NRXN3: variants seen among roughly 807,000 people sequenced by gnomAD.
The protein encoded by NRXN3 is neurexin 3, also known as neurexin III.
NRXN3 carries 32 observed loss-of-function variants against 137.6 expected under a neutral mutation model. That is an observed-to-expected ratio of 0.23 (90% CI 0.18 to 0.31). The LOEUF is 0.31. Ranked by LOEUF, NRXN3 falls within the 10% of genes least tolerant of loss-of-function variation. NRXN3 has a pLI of 1.00. For missense variants in NRXN3, 1,574 were observed against 2,062.5 expected, an observed-to-expected ratio of 0.76 and a Z score of 4.59; for synonymous variants, 798 against 784.5, an observed-to-expected ratio of 1.02 and a Z score of -0.29.
At chr14:79,850,422 G>A (rs935502049) in intron 20 of NRXN3, among the ~76,000 whole-genome samples, 8 of 152,174 alleles carry the variant, frequency 5.3e-5, no homozygotes, top group Non-Finnish European at 1.2e-4. Flanking sequence ...GTTTGCAACT[G>A]GAGTAACTTG....
At chr14:78,568,832 G>A (rs1383812409) in intron 4 of NRXN3, among the ~76,000 whole-genome samples, 1 of 152,164 alleles carries the variant, frequency 6.6e-6, no homozygotes, top group Non-Finnish European at 1.5e-5. Context: ...CTATAGGGTA[G>A]TGGTTCTTAA....
intron 1 of NRXN3, among the ~76,000 whole-genome samples, chr14:78,207,563 A>G (rs2062328568): frequency 6.6e-6 from 1 of 152,178 alleles, no homozygotes; most frequent in South Asian, 2.1e-4. Flanking sequence ...TATTGAATCC[A>G]TAGTAAGTTG....
chr14:78,260,162 GC>G (rs2070450248), intron 2 of NRXN3, among the ~76,000 whole-genome samples: 1 of 152,216 alleles, frequency 6.6e-6, no homozygotes, highest in Non-Finnish European at 1.5e-5. Flanking sequence ...ACATCCTGCA[GC>G]TTAATTAACC....
chr14:78,998,047 A>G (rs1327380151), intron 15 of NRXN3, among the ~76,000 whole-genome samples: 1 of 152,192 alleles, frequency 6.6e-6, no homozygotes, highest in Non-Finnish European at 1.5e-5. Context: ...ATGATGCAGA[A>G]ATTCTCTCCA....
chr14:79,590,004 C>T (rs972282895), intron 16 of NRXN3, among the ~76,000 whole-genome samples: 4 of 152,066 alleles, frequency 2.6e-5, no homozygotes, highest in African/African-American at 4.8e-5. Context: ...ACATGATAAG[C>T]CCATTTTTCT....
At chr14:79,703,936 C>T (rs2098765484) in intron 19 of NRXN3, among the ~76,000 whole-genome samples, 1 of 152,080 alleles carries the variant, frequency 6.6e-6, no homozygotes, top group Admixed American at 6.6e-5. Flanking sequence ...CACAGATCTC[C>T]CTAGAGCTTA....
chr14:79,032,033 T>G (rs985945717), intron 15 of NRXN3, among the ~76,000 whole-genome samples: 1 of 152,122 alleles, frequency 6.6e-6, no homozygotes, highest in African/African-American at 2.4e-5. Context: ...GACAGAGGTG[T>G]AGGAACTAAA....
chr14:79,517,410 T>C (rs1338049735), intron 16 of NRXN3, among the ~76,000 whole-genome samples: 1 of 152,274 alleles, frequency 6.6e-6, no homozygotes, highest in East Asian at 1.9e-4. Context: ...CCCCTAGTTT[T>C]TTGTTTGCCT....
rs115771231 is a variant in NRXN3 at position 78,515,718 on chromosome 14, G to A, written c.758-129402G>A. 6.8e-3 allele frequency among the ~76,000 whole-genome samples: 1,030 copies of A among 152,076 alleles called. 11 individuals are homozygous for A. The highest frequency in any genetic ancestry group is 0.023 in the African/African-American group (972 of 41,468). The stretch of plus-strand genomic sequence containing the variant: ...CACTGGGGCCGAGATGACGAGTTTC[G>A]TGAAAAACAGAGTTCAAAAGAGGAG... On this transcript the variant is annotated intron_variant, in intron 4 of 20. Coordinates refer to ENST00000335750, the MANE Select transcript of NRXN3 (RefSeq NM_001330195.2).
chr14:79,113,015 C>A (rs1167576210), intron 15 of NRXN3, among the ~76,000 whole-genome samples: 1 of 152,178 alleles, frequency 6.6e-6, no homozygotes, highest in Non-Finnish European at 1.5e-5. Context: ...AGTAGACCGA[C>A]CTTTCTCAGC....
At chr14:79,266,675 A>G (rs2078509392) in intron 15 of NRXN3, among the ~76,000 whole-genome samples, 1 of 152,196 alleles carries the variant, frequency 6.6e-6, no homozygotes, top group African/African-American at 2.4e-5. Context: ...AGAATGGCGT[A>G]AATGTTCTAG....
At chr14:78,650,508 C>T (rs762525287) in intron 5 of NRXN3, among the ~76,000 whole-genome samples, 5 of 151,758 alleles carry the variant, frequency 3.3e-5, no homozygotes, top group Non-Finnish European at 5.9e-5. Context: ...CATTTCTTCT[C>T]TTGGAGGTGG....
chr14:78,666,377 A>C (rs1268936969), intron 6 of NRXN3, among the ~76,000 whole-genome samples: 3 of 152,306 alleles, frequency 2.0e-5, no homozygotes, highest in Admixed American at 2.0e-4. Context: ...AAAAAGCCAA[A>C]ACAAAATGGT....
At chr14:79,849,726 T>C (rs1423809187) in intron 20 of NRXN3, among the ~76,000 whole-genome samples, 1 of 152,194 alleles carries the variant, frequency 6.6e-6, no homozygotes, top group East Asian at 1.9e-4. Context: ...GGAATTGCCA[T>C]ATAACCCAGC....
At chr14:79,600,131 G>A (rs1253787740) in intron 16 of NRXN3, among the ~76,000 whole-genome samples, 3 of 152,238 alleles carry the variant, frequency 2.0e-5, no homozygotes, top group Non-Finnish European at 1.5e-5. Flanking sequence ...AAAGGTGGAG[G>A]AGCTGAGGTT....
chr14:78,185,212 G>C (rs1449570294), intron 1 of NRXN3, among the ~76,000 whole-genome samples: 1 of 152,200 alleles, frequency 6.6e-6, no homozygotes, highest in Non-Finnish European at 1.5e-5. Context: ...ATCACTGCAG[G>C]AGGCCTCGAT....
intron 4 of NRXN3, among the ~76,000 whole-genome samples, chr14:78,505,671 CA>C (rs1490662010): frequency 6.6e-6 from 1 of 151,954 alleles, no homozygotes; most frequent in African/African-American, 2.4e-5. Context: ...ATTTATCTAT[CA>C]AAAATAATAA....
intron 16 of NRXN3, among the ~76,000 whole-genome samples, chr14:79,489,307 C>G (rs1296093202): frequency 1.3e-4 from 20 of 152,084 alleles, no homozygotes; most frequent in Non-Finnish European, 4.4e-5. Context: ...GCTTTCCTAC[C>G]TGCTCATATG....
chr14:78,641,203 T>C (rs1383734831), intron 4 of NRXN3, among the ~76,000 whole-genome samples: 1 of 152,178 alleles, frequency 6.6e-6, no homozygotes, highest in East Asian at 1.9e-4. Flanking sequence ...ACTGTCAACT[T>C]AGTATGGTTT....
Sources: allele counts gnomAD v4.1 joint callset (sites outside exome capture counted in the v4.1 genomes callset), GRCh38; gene constraint gnomAD v4.1.1; transcripts MANE v1.5; gene names NCBI Gene and HGNC (gene_info 2026-07-23, HGNC 2026-07-21).